The following ANAPC4 variants were observed in gnomAD, a reference collection of about 807,000 sequenced individuals.
The protein encoded by ANAPC4 is anaphase promoting complex subunit 4.
ANAPC4 carries 63 observed loss-of-function variants against 119.8 expected under a neutral mutation model. The observed-to-expected ratio is 0.53, with a 90% confidence interval of 0.43 to 0.65. The LOEUF (loss-of-function observed/expected upper bound fraction) is 0.65. ANAPC4 is among the 30% of genes least tolerant of loss of function. The pLI is 0.00. For synonymous variants in ANAPC4, 283 were observed against 318.6 expected, an observed-to-expected ratio of 0.89 and a Z score of 1.19; for missense variants, 716 against 945.1, an observed-to-expected ratio of 0.76 and a Z score of 3.18.
At chr4:25,414,550 G>T (rs769893443) in intron 24 of ANAPC4, 46 bp downstream of exon 24, 2 of 1,567,474 alleles carry the variant, frequency 1.3e-6, no homozygotes, top group African/African-American at 2.8e-5. Context: ...ATACAATTTT[G>T]TTTTATCCAT....
intron 20 of ANAPC4, 62 bp downstream of exon 20, chr4:25,407,315 T>C (rs765358100): frequency 4.1e-5 from 55 of 1,331,780 alleles, no homozygotes; most frequent in Non-Finnish European, 5.5e-5. Flanking sequence ...CCAAAGTCTC[T>C]GGAAAGAATT....
At chr4:25,401,050 A>G (rs998247178) in intron 16 of ANAPC4, among the ~76,000 whole-genome samples, 3 of 152,106 alleles carry the variant, frequency 2.0e-5, no homozygotes, top group African/African-American at 7.2e-5. Context: ...TTAATTTCTC[A>G]AAGTGTTCTC....
At chr4:25,390,306 T>C (rs1208517711) in intron 8 of ANAPC4, 86 bp downstream of exon 8, 10 of 970,326 alleles carry the variant, frequency 1.0e-5, no homozygotes, top group African/African-American at 3.4e-5. Context: ...AAACACTAGG[T>C]TTTTTTTCAG....
At chr4:25,416,327 T>C in intron 26 of ANAPC4, 98 bp from the exon 27 acceptor site, 2 of 715,654 alleles carry the variant, frequency 2.8e-6, no homozygotes. Context: ...CACTTAACTT[T>C]TAAATTTTTT....
At position 25,390,875 on chromosome 4, in the gene ANAPC4, A is replaced by G. The variant is rs189534759; in HGVS notation, c.601-36A>G. On this transcript the variant is annotated intron_variant, in intron 8 of 28. Transcript: ENST00000315368. ...GATAATCAGCTTCAACCTAGCAGTG[A>G]TACTAAATATACTAAGGGGTTTGAC... 401 of 1,499,306 alleles carry G rather than the reference A, an allele frequency of 2.7e-4. 6 individuals carry two copies. The East Asian group carries it at 5.1e-3, about 19-fold the overall frequency. The allele number at this position is 1,499,306 out of a possible 1,614,324, so 92.9% of individuals were successfully genotyped here.
rs139203028 is a variant in ANAPC4, at chr4:25,415,587, G to A, written c.1901+47G>A. Reference sequence around the variant, plus strand: ...GATGAAATGTAGATACATGTGATATGTGTATATGTTTAGGAATAGGATCAG... The same window carrying A: ...GATGAAATGTAGATACATGTGATATATGTATATGTTTAGGAATAGGATCAG... On this transcript the variant is annotated intron_variant, in intron 26 of 28. Coordinates refer to ENST00000315368, the MANE Select transcript of ANAPC4 (RefSeq NM_013367.3). The A allele has an allele frequency of 4.9e-4, 745 of 1,513,262 alleles. 3 individuals carry two copies. In the African/African-American group the frequency reaches 9.2e-3, roughly 19 times the overall value. 93.7% of individuals were successfully genotyped at this position (1,513,262 alleles called of 1,614,324 possible). A position where few individuals can be genotyped will look rare whatever the true frequency, so the allele number is the denominator to read the frequency against.
intron 4 of ANAPC4, among the ~76,000 whole-genome samples, chr4:25,387,129 A>G (rs1400788553): frequency 6.6e-6 from 1 of 152,106 alleles, no homozygotes; most frequent in African/African-American, 2.4e-5. Context: ...TTCTTTGTCC[A>G]TGGTCCTGAT....
intron 20 of ANAPC4, among the ~76,000 whole-genome samples, chr4:25,408,930 AG>A (rs1427331373): frequency 1.3e-5 from 2 of 152,218 alleles, no homozygotes; most frequent in African/African-American, 2.4e-5. Context: ...TTGAAAATAA[AG>A]TTAATAATTT....
intron 21 of ANAPC4, among the ~76,000 whole-genome samples, chr4:25,412,295 C>A (rs6448355): frequency 0.99 from 150,094 of 152,204 alleles, 74,021 homozygotes; most frequent in East Asian, 1. Flanking sequence ...CAGTGTATTT[C>A]TGGCGGTTTC....
chr4:25,381,296 T>A (rs546605580), intron 3 of ANAPC4, among the ~76,000 whole-genome samples: 1 of 152,312 alleles, frequency 6.6e-6, no homozygotes, highest in South Asian at 2.1e-4. Context: ...TTGCTTTTTC[T>A]TTTCCCCCCC....
chr4:25,379,601 G>T (rs1238332463), intron 2 of ANAPC4, among the ~76,000 whole-genome samples: 1 of 152,154 alleles, frequency 6.6e-6, no homozygotes, highest in East Asian at 1.9e-4. Context: ...AGAAAAGTAC[G>T]AAGATATTAA....
intron 21 of ANAPC4, among the ~76,000 whole-genome samples, chr4:25,410,526 A>G (rs533862956): frequency 6.6e-6 from 1 of 152,300 alleles, no homozygotes; most frequent in Non-Finnish European, 1.5e-5. Flanking sequence ...CCATTTACTA[A>G]TGAGGAAACA....
At chr4:25,407,477 C>T (rs1723316555) in intron 20 of ANAPC4, among the ~76,000 whole-genome samples, 1 of 152,036 alleles carries the variant, frequency 6.6e-6, no homozygotes, top group South Asian at 2.1e-4. Context: ...TGGTGGGCAC[C>T]TGTAATCCCA....
At chr4:25,414,773 C>T in intron 25 of ANAPC4, 73 bp downstream of exon 25, 1 of 1,291,680 alleles carries the variant, frequency 7.7e-7, no homozygotes, top group Non-Finnish European at 1.0e-6. Context: ...ATACAGCCTT[C>T]CAGCATTTCA....
At chr4:25,380,149 C>T (rs1048897670) in intron 2 of ANAPC4, among the ~76,000 whole-genome samples, 1 of 152,104 alleles carries the variant, frequency 6.6e-6, no homozygotes, top group South Asian at 2.1e-4. Context: ...GTAAGTCTCC[C>T]GTTGACATAA....
intron 16 of ANAPC4, among the ~76,000 whole-genome samples, chr4:25,400,838 G>T (rs1560440664): frequency 6.6e-6 from 1 of 152,016 alleles, no homozygotes; most frequent in African/African-American, 2.4e-5. Context: ...GGAGGAAGGT[G>T]GGGGCCCTGG....
At chr4:25,403,433 A>C (rs1723085513) in intron 17 of ANAPC4, among the ~76,000 whole-genome samples, 1 of 152,184 alleles carries the variant, frequency 6.6e-6, no homozygotes, top group Non-Finnish European at 1.5e-5. Flanking sequence ...CCTGTCGCTC[A>C]CTGATAGTTC....
Position 25,415,455 on chromosome 4 carries a change from C to A in ANAPC4, c.1827-11C>A. On this transcript the variant is annotated splice_polypyrimidine_tract_variant and intron_variant, in intron 25 of 28. Coordinates refer to ENST00000315368, the MANE Select transcript of ANAPC4 (RefSeq NM_013367.3). The stretch of plus-strand genomic sequence containing the variant: ...CACAGAGTCTCTTTTTTTCCCCCTT[C>A]TTTCTTGAAGATCTGTGAGTAATGG... 1 of 1,604,564 alleles carries A rather than the reference C, an allele frequency of 6.2e-7. No individual in the cohort carries two copies. Among genetic ancestry groups the A allele is most frequent in the Non-Finnish European group, 8.5e-7 (1 of 1,174,994 alleles).
chr4:25,383,357 C>A lies in ANAPC4; in HGVS notation c.332C>A (p.Ser111Tyr). The change falls in exon 4 of 29, where the codon TCC becomes TAC. Residue 111 changes from serine (S) to tyrosine (Y), a missense_variant. Ser to Tyr is a moderately radical substitution (Grantham distance 144, BLOSUM62 -2). Coordinates refer to ENST00000315368, the MANE Select transcript of ANAPC4 (RefSeq NM_013367.3). ...LHSFSVEAPV[S>Y]CMHWMEVTVE... ...TCTTTTTCTGTGGAGGCTCCAGTTT[C>A]CTGTATGCATTGGATGGAAGTGACA... 2 of 1,612,966 alleles carry A rather than the reference C, an allele frequency of 1.2e-6. No individual in the cohort carries two copies. Among genetic ancestry groups the A allele is most frequent in the Admixed American group, 1.7e-5 (1 of 59,914 alleles).
Sources: gnomAD v4.1 joint callset for allele counts (sites outside exome capture counted in the v4.1 genomes callset) on GRCh38, gnomAD v4.1.1 for gene constraint, MANE v1.5 for transcripts, NCBI Gene and HGNC (gene_info 2026-07-23, HGNC 2026-07-21) for gene names.